The following ABHD6 variants were observed in gnomAD, a reference collection of about 807,000 sequenced individuals.
The protein encoded by ABHD6 is monoacylglycerol lipase ABHD6.
A neutral mutation model predicts 38.8 loss-of-function variants in ABHD6; 33 were observed. That is an observed-to-expected ratio of 0.85 (90% CI 0.64 to 1.14). The LOEUF (loss-of-function observed/expected upper bound fraction) is 1.14. Among genes scored for constraint, ABHD6 ranks in the 50% most tolerant of loss-of-function variants. The pLI is 0.00. For missense variants in ABHD6, 380 were observed against 422.6 expected, an observed-to-expected ratio of 0.90 and a Z score of 0.88; for synonymous variants, 147 against 161.6, an observed-to-expected ratio of 0.91 and a Z score of 0.69.
chr3:58,249,436 G>A (rs1181868201), intron 1 of ABHD6, among the ~76,000 whole-genome samples: 1 of 152,124 alleles, frequency 6.6e-6, no homozygotes, highest in East Asian at 1.9e-4. Context: ...TTTTGGAGCG[G>A]TGCAGCCCCC....
intron 1 of ABHD6, among the ~76,000 whole-genome samples, chr3:58,248,752 G>A (rs6445963): frequency 0.42 from 64,587 of 152,062 alleles, 14,828 homozygotes; most frequent in African/African-American, 0.61. Context: ...TGCATTTTAC[G>A]TAGCCACAGA....
In ABHD6 at chr3:58,263,806, C is replaced by A. The variant is rs1295561792; in HGVS notation, c.120-3383C>A. On this transcript the variant is annotated intron_variant, in intron 3 of 9. Transcript: ENST00000478253. This position sits in a 1 kb window ranked among gnomAD's most constrained non-coding sequence, Gnocchi z 4.9. ...ATTATAAAAACGTAACCCATTCGAG[C>A]CCCACTCCCAGTACCAAAAATAAAA... Among the ~76,000 whole-genome samples, 1 of 152,068 alleles carries A rather than the reference C, an allele frequency of 6.6e-6. No individual in the cohort carries two copies. The highest frequency in any genetic ancestry group is 1.9e-4 in the East Asian group (1 of 5,200).
At position 58,256,838 on chromosome 3, in the gene ABHD6, T is replaced by C. The variant is rs2097433731; in HGVS notation, c.119+133T>C. ...GACAGAGAGAAAAGTTGAAAGGTAC[T>C]CATCCTGTTTGGAATTTTGGGAATG... On this transcript the variant is annotated intron_variant, in intron 3 of 9. Coordinates refer to ENST00000478253, the MANE Select transcript of ABHD6 (RefSeq NM_001320126.2). This position sits in a 1 kb window ranked among gnomAD's most constrained non-coding sequence, Gnocchi z 4.3. 1 of 742,528 alleles carries C rather than the reference T, an allele frequency of 1.3e-6. No individual in the cohort carries two copies. Among genetic ancestry groups the C allele is most frequent in the Admixed American group, 2.4e-5 (1 of 41,250 alleles). 46.0% of individuals were successfully genotyped at this position (742,528 alleles called of 1,614,324 possible). A position where few individuals can be genotyped will look rare whatever the true frequency, so the allele number is the denominator to read the frequency against.
intron 7 of ABHD6, among the ~76,000 whole-genome samples, chr3:58,280,748 T>C (rs900105993): frequency 1.3e-5 from 2 of 152,240 alleles, no homozygotes; most frequent in Non-Finnish European, 1.5e-5. Flanking sequence ...TTTGGTCTTT[T>C]ATGTTGGTGA....
At position 58,294,664 on chromosome 3, in the gene ABHD6, A is replaced by G. The variant is rs2097466159; in HGVS notation, c.*899A>G. 1.3e-5 allele frequency: 2 copies of G among 152,740 alleles called. No homozygotes were observed. The highest frequency in any genetic ancestry group is 4.1e-4 in the South Asian group (2 of 4,826). 9.5% of individuals were successfully genotyped at this position (152,740 alleles called of 1,614,324 possible). On this transcript the variant is annotated 3_prime_UTR_variant, in exon 10 of 10. Coordinates refer to ENST00000478253, the MANE Select transcript of ABHD6 (RefSeq NM_001320126.2). The stretch of plus-strand genomic sequence containing the variant: ...AATTCTGTGAAGAGTAATGTGATTG[A>G]AAATAAGTCTAAACAGCTGTAAAAG...
At position 58,285,140 on chromosome 3, in the gene ABHD6, G is replaced by A; in HGVS notation, c.736+1G>A. ...CCTCATAACAACTTCTACCGAAAGTGTAAGTAGCCCTACTTTCAGCTTGGA... is the reference window on the plus strand; with the variant it reads ...CCTCATAACAACTTCTACCGAAAGTATAAGTAGCCCTACTTTCAGCTTGGA... On this transcript the variant is annotated splice_donor_variant, in intron 8 of 9. Coordinates refer to ENST00000478253, the MANE Select transcript of ABHD6 (RefSeq NM_001320126.2). LOFTEE classifies it high-confidence loss of function. This position sits in a 1 kb window ranked among gnomAD's most constrained non-coding sequence, Gnocchi z 4.9. 2 of 1,614,064 alleles carry A rather than the reference G, an allele frequency of 1.2e-6. No homozygotes were observed. The highest frequency in any genetic ancestry group is 1.7e-6 in the Non-Finnish European group (2 of 1,179,904).
chr3:58,291,975 T>G (rs1187871931), intron 9 of ABHD6, among the ~76,000 whole-genome samples: 2 of 152,200 alleles, frequency 1.3e-5, no homozygotes, highest in African/African-American at 4.8e-5. Context: ...GACACTCAGT[T>G]GGGAGTTTCC....
At position 58,282,921 on chromosome 3, in the gene ABHD6, T is replaced by A. The variant is rs967564467; in HGVS notation, c.682-2164T>A. Among the ~76,000 whole-genome samples, 6 of 152,166 alleles carry A rather than the reference T, an allele frequency of 3.9e-5. No homozygotes were observed. The South Asian group carries it at 8.3e-4, about 21-fold the overall frequency. Reference sequence around the variant, plus strand: ...GCCTGAAGCTGTACCACTGGAGCCATCAGCAGACGCTAATATTGAAGGTTA... The same window carrying A: ...GCCTGAAGCTGTACCACTGGAGCCAACAGCAGACGCTAATATTGAAGGTTA... On this transcript the variant is annotated intron_variant, in intron 7 of 9. Transcript: ENST00000478253.
At chr3:58,281,409 G>A (rs552547735) in intron 7 of ABHD6, among the ~76,000 whole-genome samples, 6 of 152,322 alleles carry the variant, frequency 3.9e-5, no homozygotes, top group South Asian at 4.1e-4. Flanking sequence ...AGCCAGGCAC[G>A]GGAGAGAATC....
At chr3:58,262,481 A>G (rs1033767062) in intron 3 of ABHD6, among the ~76,000 whole-genome samples, 1 of 152,194 alleles carries the variant, frequency 6.6e-6, no homozygotes, top group African/African-American at 2.4e-5. Flanking sequence ...ATTTAGGTCA[A>G]TAGAGCCTTC....
chr3:58,246,802 A>G (rs566904222), intron 1 of ABHD6, among the ~76,000 whole-genome samples: 26 of 152,284 alleles, frequency 1.7e-4, no homozygotes, highest in African/African-American at 5.8e-4. Context: ...CCTATCTTCT[A>G]CCTTAGAGTA....
At chr3:58,289,212 AC>A (rs1289644608) in intron 9 of ABHD6, among the ~76,000 whole-genome samples, 2 of 141,302 alleles carry the variant, frequency 1.4e-5, no homozygotes, top group African/African-American at 5.4e-5. Context: ...GTGCCACCAC[AC>A]CCGGGTAATT....
intron 9 of ABHD6, among the ~76,000 whole-genome samples, chr3:58,290,770 C>A (rs1003026191): frequency 6.6e-6 from 1 of 151,334 alleles, no homozygotes; most frequent in Non-Finnish European, 1.5e-5. Flanking sequence ...CTCTCCACAT[C>A]TCAGACAATG....
Position 58,267,306 on chromosome 3 carries a change from A to T in ABHD6, c.237A>T (p.Gly79=). 6.2e-7 allele frequency: 1 copy of T among 1,614,088 alleles called. No individual in the cohort carries two copies. Among genetic ancestry groups the T allele is most frequent in the Non-Finnish European group, 8.5e-7 (1 of 1,179,990 alleles). The change falls in exon 4 of 10, where the codon GGA becomes GGT. Residue 79 remains glycine, a synonymous_variant. Transcript: ENST00000478253. This position sits in a 1 kb window ranked among gnomAD's most constrained non-coding sequence, Gnocchi z 4.3. ...GHKPSILMLH[G]FSAHKDMWLS... The stretch of plus-strand genomic sequence containing the variant: ...AACCCTCCATCCTCATGCTCCACGG[A>T]TTCTCTGCCCACAAGGATATGTGGC...
At position 58,285,168 on chromosome 3, in the gene ABHD6, T is replaced by G; in HGVS notation, c.736+29T>G. On this transcript the variant is annotated intron_variant, in intron 8 of 9. Transcript: ENST00000478253. This position sits in a 1 kb window ranked among gnomAD's most constrained non-coding sequence, Gnocchi z 4.9. Reference sequence around the variant, plus strand: ...AGTAGCCCTACTTTCAGCTTGGAGCTTGTTACAAGTGAAGCTCTGTGGATG... The same window carrying G: ...AGTAGCCCTACTTTCAGCTTGGAGCGTGTTACAAGTGAAGCTCTGTGGATG... 6.2e-7 allele frequency: 1 copy of G among 1,608,204 alleles called. No individual in the cohort carries two copies. Among genetic ancestry groups the G allele is most frequent in the Non-Finnish European group, 8.5e-7 (1 of 1,174,582 alleles).
chr3:58,250,392 G>C (rs1262774940), intron 2 of ABHD6, among the ~76,000 whole-genome samples: 1 of 152,144 alleles, frequency 6.6e-6, no homozygotes. Context: ...CAAAGACGTG[G>C]GAGTCAGGAC....
intron 3 of ABHD6, chr3:58,258,355 C>T (rs1373559497): frequency 4.6e-6 from 2 of 437,940 alleles, no homozygotes; most frequent in Non-Finnish European, 9.2e-6. Context: ...AACACAGTGA[C>T]ATTAAACAGT....
At chr3:58,289,890 C>T (rs1351490200) in intron 9 of ABHD6, among the ~76,000 whole-genome samples, 2 of 140,202 alleles carry the variant, frequency 1.4e-5, no homozygotes, top group African/African-American at 2.8e-5. Flanking sequence ...CCCTCCCGGA[C>T]GGGGTGGCTG....
At chr3:58,291,180 C>T (rs1430990506) in intron 9 of ABHD6, among the ~76,000 whole-genome samples, 1 of 127,786 alleles carries the variant, frequency 7.8e-6, no homozygotes, top group African/African-American at 3.2e-5. Flanking sequence ...AGCTGGAGAC[C>T]AGCCTGGCCA....
Sources: gnomAD v4.1 joint callset for allele counts (sites outside exome capture counted in the v4.1 genomes callset) on GRCh38, gnomAD v4.1.1 for gene constraint, Gnocchi (gnomAD v3.1) non-coding constraint, MANE v1.5 for transcripts, NCBI Gene and HGNC (gene_info 2026-07-23, HGNC 2026-07-21) for gene names.